The following SLCO3A1 variants were observed in gnomAD, a reference collection of about 807,000 sequenced individuals.
The protein encoded by SLCO3A1 is PGE1 transporter.
A neutral mutation model predicts 63.1 loss-of-function variants in SLCO3A1; 27 were observed. The observed-to-expected ratio is 0.43, with a 90% confidence interval of 0.32 to 0.59. The LOEUF is 0.59. Among genes scored for constraint, SLCO3A1 ranks in the 20% least tolerant of loss-of-function variants. SLCO3A1 has a pLI of 0.09. For missense variants in SLCO3A1, 773 were observed against 945.8 expected (o/e 0.82, Z 2.40); for synonymous variants, 473 against 409.9 (o/e 1.15, Z -1.86).
chr15:91,962,434 G>A (rs373458345), intron 2 of SLCO3A1, among the ~76,000 whole-genome samples: 11 of 141,780 alleles, frequency 7.8e-5, no homozygotes, highest in East Asian at 6.2e-4. Context: ...AACTGAGATC[G>A]CGCCATTGCA....
At chr15:91,994,041 C>T (rs1037017882) in intron 2 of SLCO3A1, among the ~76,000 whole-genome samples, 3 of 152,222 alleles carry the variant, frequency 2.0e-5, no homozygotes, top group African/African-American at 7.2e-5. Flanking sequence ...GTTGCAACTT[C>T]ATCAGAGACC....
chr15:92,165,914 C>G (rs185743936), downstream of SLCO3A1: 176 of 984,850 alleles, frequency 1.8e-4, no homozygotes, highest in Non-Finnish European at 2.0e-4. Flanking sequence ...TGCTAGAGTT[C>G]TCTCTCTTCT....
intron 4 of SLCO3A1, among the ~76,000 whole-genome samples, chr15:92,107,758 T>C (rs1339455623): frequency 3.3e-5 from 5 of 152,186 alleles, no homozygotes; most frequent in Non-Finnish European, 5.9e-5. Flanking sequence ...TCCAGCCCCC[T>C]CTTCTCTGGA....
intron 3 of SLCO3A1, among the ~76,000 whole-genome samples, chr15:92,101,818 G>A (rs1054939350): frequency 3.9e-5 from 6 of 152,132 alleles, no homozygotes; most frequent in African/African-American, 1.4e-4. Context: ...TTGCCCGGGT[G>A]GCAGGCGGGC....
rs143141366 is a variant in SLCO3A1 at position 91,985,143 on chromosome 15, C to T, written c.646+68685C>T. The stretch of plus-strand genomic sequence containing the variant: ...CCCACCCTCTTCTTTCCCAAAGTAA[C>T]GCCCAAAGTAACCTCTCTTTTGATA... On this transcript the variant is annotated intron_variant, in intron 2 of 9. Transcript: ENST00000318445. Among the ~76,000 whole-genome samples, 188 of 152,260 alleles carry T rather than the reference C, an allele frequency of 1.2e-3. 2 individuals carry two copies. In the East Asian group the frequency reaches 0.03, roughly 24 times the overall value.
rs141789396 is a variant in SLCO3A1 at position 91,939,051 on chromosome 15, A to G, written c.646+22593A>G. ...TATTAGATTGTTCTTGCATTGCTAT[A>G]AAGAAATACCTGAGACTCAGTAATA... On this transcript the variant is annotated intron_variant, in intron 2 of 9. Transcript: ENST00000318445. 1.6e-4 allele frequency among the ~76,000 whole-genome samples: 25 copies of G among 152,280 alleles called. No homozygotes were observed. In the East Asian group the frequency reaches 4.3e-3, roughly 26 times the overall value.
At chr15:91,898,824 G>T (rs78142702) in intron 1 of SLCO3A1, among the ~76,000 whole-genome samples, 3 of 152,148 alleles carry the variant, frequency 2.0e-5, no homozygotes, top group Non-Finnish European at 2.9e-5. Context: ...AAAATTTCAT[G>T]GGGGGACAAT....
chr15:91,971,393 T>TTAAAAAAA (rs1900858430), intron 2 of SLCO3A1, among the ~76,000 whole-genome samples: 6 of 1,858 alleles, frequency 3.2e-3, no homozygotes, highest in Non-Finnish European at 7.6e-3. Context: ...AGACTCCATC[T>TTAAAAAAA]CAAAAAAAAA....
rs887730498 is a variant in SLCO3A1, at chr15:91,912,428, C to T, written c.181-3565C>T. Reference sequence around the variant, plus strand: ...CGTACTACTTCCTGTCACCCCTGTGCGTTGCTCTGCAAAGAGCAGGTGGGA... The same window carrying T: ...CGTACTACTTCCTGTCACCCCTGTGTGTTGCTCTGCAAAGAGCAGGTGGGA... On this transcript the variant is annotated intron_variant, in intron 1 of 9. Coordinates refer to ENST00000318445, the MANE Select transcript of SLCO3A1 (RefSeq NM_013272.4). This position sits in a 1 kb window ranked among gnomAD's most constrained non-coding sequence, Gnocchi z 5.0. Among the ~76,000 whole-genome samples, 2 of 152,186 alleles carry T rather than the reference C, an allele frequency of 1.3e-5. No individual in the cohort carries two copies. The highest frequency in any genetic ancestry group is 2.9e-5 in the Non-Finnish European group (2 of 68,034).
At chr15:92,141,510 A>G (rs964192255) in intron 7 of SLCO3A1, among the ~76,000 whole-genome samples, 5 of 152,144 alleles carry the variant, frequency 3.3e-5, no homozygotes, top group Admixed American at 6.5e-5. Context: ...ATCCCCTTAA[A>G]TTAGACTGCT....
At chr15:92,079,261 C>T (rs1446847357) in intron 2 of SLCO3A1, among the ~76,000 whole-genome samples, 5 of 152,202 alleles carry the variant, frequency 3.3e-5, no homozygotes, top group African/African-American at 1.2e-4. Context: ...TCCAAGTACC[C>T]TCTCAAGTGT....
chr15:92,030,810 G>C (rs139089597), intron 2 of SLCO3A1, among the ~76,000 whole-genome samples: 3 of 152,246 alleles, frequency 2.0e-5, no homozygotes, highest in African/African-American at 7.2e-5. Flanking sequence ...TAAGTACACC[G>C]GTGAGTACAC....
intron 2 of SLCO3A1, among the ~76,000 whole-genome samples, chr15:91,982,793 G>A (rs1343150055): frequency 1.3e-5 from 2 of 152,250 alleles, no homozygotes; most frequent in African/African-American, 4.8e-5. Context: ...GGTGTTTAAT[G>A]GATGCTGGTG....
At chr15:92,013,306 C>T (rs766705566) in intron 2 of SLCO3A1, among the ~76,000 whole-genome samples, 2 of 152,238 alleles carry the variant, frequency 1.3e-5, no homozygotes, top group East Asian at 1.9e-4. Flanking sequence ...TAGAGAGGCT[C>T]ATAGATGTTG....
intron 2 of SLCO3A1, among the ~76,000 whole-genome samples, chr15:92,011,557 C>T (rs367559615): frequency 6.6e-5 from 10 of 152,122 alleles, no homozygotes; most frequent in African/African-American, 2.2e-4. Flanking sequence ...CCTGGGTCAC[C>T]CTATGTAAAA....
At chr15:92,162,492 G>T in intron 9 of SLCO3A1, 1 of 439,808 alleles carries the variant, frequency 2.3e-6, no homozygotes, top group Non-Finnish European at 4.0e-6. Context: ...GCCATCTGGT[G>T]AAGACTGTAG....
At chr15:92,059,450 G>A (rs547152740) in intron 2 of SLCO3A1, among the ~76,000 whole-genome samples, 40 of 152,196 alleles carry the variant, frequency 2.6e-4, no homozygotes, top group Non-Finnish European at 5.3e-4. Context: ...TGCTTCTTCC[G>A]TCACCCTTGT....
At chr15:91,920,690 T>C (rs1003425914) in intron 2 of SLCO3A1, among the ~76,000 whole-genome samples, 2 of 152,214 alleles carry the variant, frequency 1.3e-5, no homozygotes, top group Non-Finnish European at 2.9e-5. Context: ...TGAACCGCAG[T>C]AACCACTAGG....
chr15:92,095,851 C>G (rs1567117176), intron 3 of SLCO3A1, among the ~76,000 whole-genome samples: 1 of 152,154 alleles, frequency 6.6e-6, no homozygotes, highest in South Asian at 2.1e-4. Flanking sequence ...GCACAGTTAC[C>G]AAGACAGGAA....
Sources: gnomAD v4.1 joint callset for allele counts (sites outside exome capture counted in the v4.1 genomes callset) on GRCh38, gnomAD v4.1.1 for gene constraint, Gnocchi (gnomAD v3.1) non-coding constraint, MANE v1.5 for transcripts, NCBI Gene and HGNC (gene_info 2026-07-23, HGNC 2026-07-21) for gene names.